Variants in NKAIN3 observed in about 807,000 individuals in gnomAD.
NKAIN3 encodes sodium/potassium-transporting ATPase subunit beta-1-interacting protein 3.
A neutral mutation model predicts 30.2 loss-of-function variants in NKAIN3; 25 were observed. That is an observed-to-expected ratio of 0.83 (90% CI 0.60 to 1.16). The LOEUF (loss-of-function observed/expected upper bound fraction) is 1.16. Among genes scored for constraint, NKAIN3 ranks in the 50% most tolerant of loss-of-function variants. NKAIN3 has a pLI of 0.00. For missense variants in NKAIN3, 225 were observed against 254.1 expected (o/e 0.89, Z 0.78); for synonymous variants, 91 against 89.6 (o/e 1.02, Z -0.09).
chr8:62,280,141 G>T (rs954586457), intron 1 of NKAIN3, among the ~76,000 whole-genome samples: 4 of 147,442 alleles, frequency 2.7e-5, no homozygotes, highest in Admixed American at 6.8e-5. Context: ...AAGCAATTGT[G>T]AATGGGAGTT....
At chr8:62,727,331 T>C (rs149422878) in intron 3 of NKAIN3, among the ~76,000 whole-genome samples, 35 of 152,276 alleles carry the variant, frequency 2.3e-4, no homozygotes, top group African/African-American at 6.3e-4. Context: ...TTTACCATCA[T>C]ACTGGATGTT....
chr8:62,807,480 C>T (rs1033163018), intron 4 of NKAIN3, among the ~76,000 whole-genome samples: 1 of 151,014 alleles, frequency 6.6e-6, no homozygotes, highest in African/African-American at 2.4e-5. Context: ...ACTTTCTTCT[C>T]TACTGTCTTC....
chr8:62,277,508 G>C (rs756714238), intron 1 of NKAIN3, among the ~76,000 whole-genome samples: 1 of 152,080 alleles, frequency 6.6e-6, no homozygotes, highest in Non-Finnish European at 1.5e-5. Flanking sequence ...CGTCTCATGC[G>C]TAAGAAAGGT....
chr8:62,828,673 AAC>A (rs2130741629), intron 4 of NKAIN3, among the ~76,000 whole-genome samples: 1 of 152,294 alleles, frequency 6.6e-6, no homozygotes, highest in Non-Finnish European at 1.5e-5. Flanking sequence ...TGACAAATGG[AAC>A]ACAGAGGAAA....
chr8:62,673,942 T>C (rs1477097250), intron 3 of NKAIN3, among the ~76,000 whole-genome samples: 1 of 152,188 alleles, frequency 6.6e-6, no homozygotes, highest in Non-Finnish European at 1.5e-5. Context: ...AAATCACCTG[T>C]GAATTACCTC....
At chr8:62,881,405 C>G (rs771802824) in intron 4 of NKAIN3, among the ~76,000 whole-genome samples, 1 of 152,144 alleles carries the variant, frequency 6.6e-6, no homozygotes, top group Non-Finnish European at 1.5e-5. Flanking sequence ...AGACTAGCTC[C>G]TTTCACTTAG....
At chr8:62,948,419 C>G (rs1823187029) in intron 5 of NKAIN3, among the ~76,000 whole-genome samples, 1 of 151,982 alleles carries the variant, frequency 6.6e-6, no homozygotes. Context: ...AGGATGGTCT[C>G]CATCTCTTGA....
intron 1 of NKAIN3, among the ~76,000 whole-genome samples, chr8:62,293,087 A>G (rs1813705486): frequency 6.6e-6 from 1 of 152,090 alleles, no homozygotes; most frequent in Admixed American, 6.6e-5. Flanking sequence ...CCATCAGGTC[A>G]TTTAAGGACT....
At chr8:62,616,890 T>C (rs1811470871) in intron 3 of NKAIN3, among the ~76,000 whole-genome samples, 1 of 152,182 alleles carries the variant, frequency 6.6e-6, no homozygotes, top group Admixed American at 6.5e-5. Flanking sequence ...TAATCCCCAA[T>C]GTTGTAGTTG....
chr8:62,693,620 A>G (rs1369679198), intron 3 of NKAIN3, among the ~76,000 whole-genome samples: 2 of 152,206 alleles, frequency 1.3e-5, no homozygotes, highest in African/African-American at 2.4e-5. Context: ...CTTTCTAAAA[A>G]CAAAATCTTA....
chr8:62,285,852 A>G (rs555957949), intron 1 of NKAIN3, among the ~76,000 whole-genome samples: 3 of 152,238 alleles, frequency 2.0e-5, no homozygotes, highest in South Asian at 2.1e-4. Context: ...AATTTTCTAT[A>G]CTTGAATATT....
intron 3 of NKAIN3, among the ~76,000 whole-genome samples, chr8:62,636,965 GCTTT>G (rs1320636086): frequency 8.5e-5 from 13 of 152,160 alleles, no homozygotes; most frequent in African/African-American, 2.9e-4. Flanking sequence ...TAGTAAATGA[GCTTT>G]CTTATTTTAC....
intron 3 of NKAIN3, among the ~76,000 whole-genome samples, chr8:62,610,922 C>A (rs1396113822): frequency 1.3e-5 from 2 of 152,052 alleles, no homozygotes; most frequent in African/African-American, 4.8e-5. Context: ...ATCTTAGTTT[C>A]ATAGTAGAAT....
intron 4 of NKAIN3, among the ~76,000 whole-genome samples, chr8:62,790,253 A>C (rs1166052175): frequency 2.0e-5 from 3 of 152,158 alleles, no homozygotes; most frequent in Admixed American, 2.0e-4. Context: ...CCTTTGACAA[A>C]ATTCAACAAC....
chr8:62,913,153 T>C (rs1203175780), intron 4 of NKAIN3, among the ~76,000 whole-genome samples: 1 of 8,512 alleles, frequency 1.2e-4, no homozygotes, highest in South Asian at 0.01. Context: ...GCATTGAACA[T>C]TTTTTTTTTT....
intron 4 of NKAIN3, among the ~76,000 whole-genome samples, chr8:62,826,272 G>A (rs771715399): frequency 6.5e-4 from 98 of 151,934 alleles, no homozygotes; most frequent in Admixed American, 1.4e-3. Context: ...AACAAGTGGT[G>A]TGTGTGAGTG....
At chr8:62,299,563 A>G (rs1813969332) in intron 1 of NKAIN3, among the ~76,000 whole-genome samples, 1 of 152,170 alleles carries the variant, frequency 6.6e-6, no homozygotes, top group Non-Finnish European at 1.5e-5. Context: ...ATTTTATTTT[A>G]TCATTACCTT....
chr8:62,709,991 C>A lies in NKAIN3; in HGVS notation c.274-36941C>A, dbSNP rs187437278. 8.5e-5 allele frequency among the ~76,000 whole-genome samples: 13 copies of A among 152,248 alleles called. No individual in the cohort carries two copies. In the East Asian group the frequency reaches 2.5e-3, roughly 29 times the overall value. ...TTTTATTTTTGACCCAAAGCTCATT[C>A]AGGATCAGATTACTAAATTTCCATG... On this transcript the variant is annotated intron_variant, in intron 3 of 6. Coordinates refer to ENST00000623646, the MANE Select transcript of NKAIN3 (RefSeq NM_001304533.3).
intron 3 of NKAIN3, among the ~76,000 whole-genome samples, chr8:62,631,816 C>G (rs1292719539): frequency 6.6e-6 from 1 of 152,106 alleles, no homozygotes; most frequent in African/African-American, 2.4e-5. Context: ...TCTCAGCCAC[C>G]CTACTGCCAT....
Sources: gnomAD v4.1 joint callset for allele counts (sites outside exome capture counted in the v4.1 genomes callset) on GRCh38, gnomAD v4.1.1 for gene constraint, MANE v1.5 for transcripts, NCBI Gene and HGNC (gene_info 2026-07-23, HGNC 2026-07-21) for gene names.